Variants in FBXW7 observed in about 807,000 individuals in gnomAD.
FBXW7 encodes F-box and WD repeat domain containing 7.
In FBXW7, 11 loss-of-function variants were observed where a neutral mutation model predicts 86.3. The ratio of observed to expected loss-of-function variants is 0.13; its 90% CI spans 0.08 to 0.21. The LOEUF (loss-of-function observed/expected upper bound fraction) is 0.21. FBXW7 is among the 10% of genes least tolerant of loss of function. The pLI is 1.00. For missense variants in FBXW7, 488 were observed against 847.4 expected (o/e 0.58, Z 5.27); for synonymous variants, 313 against 297.9 (o/e 1.05, Z -0.52).
intron 2 of FBXW7, among the ~76,000 whole-genome samples, chr4:152,495,216 T>C (rs932765857): frequency 1.3e-5 from 2 of 152,124 alleles, no homozygotes; most frequent in Admixed American, 1.3e-4. Flanking sequence ...GCAGATCACC[T>C]GAGGTCAGGA....
intron 2 of FBXW7, among the ~76,000 whole-genome samples, chr4:152,486,728 C>T (rs1745377087): frequency 6.6e-6 from 1 of 151,862 alleles, no homozygotes; most frequent in Admixed American, 6.6e-5. Flanking sequence ...GAAGTACATT[C>T]AAAATAACAA....
intron 4 of FBXW7, among the ~76,000 whole-genome samples, chr4:152,358,764 A>G (rs1048165280): frequency 6.6e-6 from 1 of 152,234 alleles, no homozygotes; most frequent in African/African-American, 2.4e-5. Context: ...TACCACCTAA[A>G]CTACAGAGTC....
At chr4:152,416,688 T>A (rs1738463935) in intron 2 of FBXW7, among the ~76,000 whole-genome samples, 1 of 152,154 alleles carries the variant, frequency 6.6e-6, no homozygotes, top group Admixed American at 6.6e-5. Flanking sequence ...ACACAGAAAG[T>A]AATTGATAAA....
At chr4:152,462,624 A>C (rs1271902676) in intron 2 of FBXW7, among the ~76,000 whole-genome samples, 1 of 152,332 alleles carries the variant, frequency 6.6e-6, no homozygotes, top group South Asian at 2.1e-4. Flanking sequence ...ACAAACATAC[A>C]ATTACACATT....
intron 2 of FBXW7, among the ~76,000 whole-genome samples, chr4:152,476,989 G>C (rs1744461611): frequency 6.6e-6 from 1 of 151,946 alleles, no homozygotes; most frequent in South Asian, 2.1e-4. Flanking sequence ...AATCCACAGT[G>C]TGTACAAGCA....
chr4:152,444,710 G>T (rs553151054), intron 2 of FBXW7, among the ~76,000 whole-genome samples: 51 of 152,174 alleles, frequency 3.4e-4, no homozygotes, highest in Non-Finnish European at 6.5e-4. Context: ...CAAGAATCAT[G>T]TGAGAGGCTT....
chr4:152,436,421 AAAG>A (rs1740388735), intron 2 of FBXW7, among the ~76,000 whole-genome samples: 1 of 152,256 alleles, frequency 6.6e-6, no homozygotes, highest in African/African-American at 2.4e-5. Context: ...GGGCTTAAAA[AAAG>A]AAGCTGTCTT....
chr4:152,385,038 T>TA, intron 4 of FBXW7, among the ~76,000 whole-genome samples: 1 of 152,062 alleles, frequency 6.6e-6, no homozygotes, highest in Non-Finnish European at 1.5e-5. Flanking sequence ...TCCCTTTTGC[T>TA]AAAGTAGGTC....
At chr4:152,391,861 A>G (rs1736023863) in intron 4 of FBXW7, among the ~76,000 whole-genome samples, 1 of 152,128 alleles carries the variant, frequency 6.6e-6, no homozygotes, top group Non-Finnish European at 1.5e-5. Flanking sequence ...GTAACAGAAC[A>G]TCTATCCAAT....
chr4:152,357,861 T>C (rs1055272673), intron 4 of FBXW7, among the ~76,000 whole-genome samples: 3 of 152,192 alleles, frequency 2.0e-5, no homozygotes, highest in Non-Finnish European at 2.9e-5. Flanking sequence ...AAGAGTTCTA[T>C]TTATGCCAGC....
intron 2 of FBXW7, among the ~76,000 whole-genome samples, chr4:152,501,023 C>T (rs1274219989): frequency 6.6e-6 from 1 of 152,188 alleles, no homozygotes; most frequent in Non-Finnish European, 1.5e-5. Flanking sequence ...CAGCATTTCT[C>T]ACAGGATAGA....
chr4:152,354,295 G>A (rs1361495914), intron 4 of FBXW7, among the ~76,000 whole-genome samples: 2 of 151,922 alleles, frequency 1.3e-5, no homozygotes, highest in Non-Finnish European at 2.9e-5. Context: ...TATGTACTCA[G>A]CAGAAGTTAG....
chr4:152,430,238 T>C (rs1050611310), intron 2 of FBXW7, among the ~76,000 whole-genome samples: 1 of 152,200 alleles, frequency 6.6e-6, no homozygotes, highest in African/African-American at 2.4e-5. Context: ...ATTCAAGTTG[T>C]GGCCAACCAA....
intron 2 of FBXW7, among the ~76,000 whole-genome samples, chr4:152,508,585 A>C (rs954133406): frequency 2.6e-5 from 4 of 151,210 alleles, no homozygotes; most frequent in African/African-American, 4.9e-5. Flanking sequence ...GCTACTTAAC[A>C]GGCTGAGGTA....
intron 7 of FBXW7, among the ~76,000 whole-genome samples, chr4:152,337,225 G>C (rs995770616): frequency 6.6e-6 from 1 of 151,894 alleles, no homozygotes; most frequent in Non-Finnish European, 1.5e-5. Context: ...CATGTAATTA[G>C]TATGGGAAAT....
intron 2 of FBXW7, among the ~76,000 whole-genome samples, chr4:152,435,379 C>T (rs1740293250): frequency 1.3e-5 from 2 of 152,250 alleles, no homozygotes; most frequent in East Asian, 3.9e-4. Context: ...TTTGGATTCA[C>T]ATTATGCATC....
Position 152,408,243 on chromosome 4 carries a change from T to C in FBXW7, c.501+3060A>G, listed in dbSNP as rs371128939. Among the ~76,000 whole-genome samples the C allele has an allele frequency of 8.3e-4, 126 of 152,300 alleles. 2 individuals are homozygous for C. The highest frequency in any genetic ancestry group is 2.3e-3 in the South Asian group (11 of 4,824). Reference sequence around the variant, plus strand: ...GATACCAGATCTGGCCTAATAATCATCTCATTTGTTTTTCATGTTAGTAGA... The same window carrying C: ...GATACCAGATCTGGCCTAATAATCACCTCATTTGTTTTTCATGTTAGTAGA... On this transcript the variant is annotated intron_variant, in intron 4 of 13. Coordinates refer to ENST00000281708, the MANE Select transcript of FBXW7 (RefSeq NM_001349798.2).
chr4:152,328,550 GTT>G, intron 10 of FBXW7, 161 bp from the exon 11 acceptor site: 1 of 470,244 alleles, frequency 2.1e-6, no homozygotes, highest in Non-Finnish European at 3.7e-6. Context: ...ACTATTTATT[GTT>G]TTGTTTATTC....
Position 152,466,901 on chromosome 4 carries a change from C to T in FBXW7, c.-119-54372G>A, listed in dbSNP as rs2149643457. On this transcript the variant is annotated intron_variant, in intron 2 of 13. Transcript: ENST00000281708. ...AGCTGGCAGTGAGCTGAGATCGCGC[C>T]ACTGCACTCTGGCCTGAGCGAAAGA... Among the ~76,000 whole-genome samples the T allele has an allele frequency of 2.0e-5, 3 of 152,266 alleles. No individual in the cohort carries two copies. The South Asian group carries it at 6.2e-4, about 32-fold the overall frequency.
Sources: allele counts gnomAD v4.1 joint callset (sites outside exome capture counted in the v4.1 genomes callset), GRCh38; gene constraint gnomAD v4.1.1; transcripts MANE v1.5; gene names NCBI Gene and HGNC (gene_info 2026-07-23, HGNC 2026-07-21).